Variants in AK8 observed in about 807,000 individuals in gnomAD.
AK8 encodes adenylate kinase 8.
In AK8, 44 loss-of-function variants were observed where a neutral mutation model predicts 54.6. The ratio of observed to expected loss-of-function variants is 0.81; its 90% CI spans 0.63 to 1.04. The LOEUF (loss-of-function observed/expected upper bound fraction) is 1.04, where lower values mean the gene tolerates loss of function less well. Among genes scored for constraint, AK8 ranks in the 50% least tolerant of loss-of-function variants. The pLI is 0.00. For synonymous variants in AK8, 239 were observed against 245.6 expected (o/e 0.97, Z 0.25); for missense variants, 555 against 613.6 (o/e 0.90, Z 1.01).
intron 11 of AK8, 181 bp from the exon 12 acceptor site, chr9:132,727,715 C>G: frequency 2.1e-6 from 1 of 480,176 alleles, no homozygotes; most frequent in South Asian, 2.1e-5. Flanking sequence ...CACTCCAGAG[C>G]CTGTGTCCCC....
chr9:132,801,143 G>A (rs1840436895), intron 10 of AK8, among the ~76,000 whole-genome samples: 1 of 152,076 alleles, frequency 6.6e-6, no homozygotes, highest in South Asian at 2.1e-4. Context: ...GGCTACGCTG[G>A]TCTTGAGTTC....
At chr9:132,876,143 C>G (rs1443846562) in intron 1 of AK8, among the ~76,000 whole-genome samples, 1 of 152,036 alleles carries the variant, frequency 6.6e-6, no homozygotes, top group Non-Finnish European at 1.5e-5. Flanking sequence ...CATGAGAAGT[C>G]TTGGTTCCAG....
intron 11 of AK8, among the ~76,000 whole-genome samples, chr9:132,749,226 G>A (rs1398696212): frequency 1.3e-5 from 2 of 151,990 alleles, no homozygotes; most frequent in Admixed American, 6.6e-5. Flanking sequence ...ATAATTTCAC[G>A]CAATCTTCTC....
At chr9:132,775,611 A>G (rs1490213939) in intron 11 of AK8, among the ~76,000 whole-genome samples, 1 of 152,104 alleles carries the variant, frequency 6.6e-6, no homozygotes, top group Non-Finnish European at 1.5e-5. Context: ...GCCTGGCCTC[A>G]TGTCTGTTTT....
At chr9:132,875,855 C>G (rs1387509665) in intron 1 of AK8, among the ~76,000 whole-genome samples, 1 of 152,206 alleles carries the variant, frequency 6.6e-6, no homozygotes, top group Non-Finnish European at 1.5e-5. Flanking sequence ...GGGAACATGA[C>G]CGTCACCACT....
chr9:132,754,988 G>A (rs962276800), intron 11 of AK8, among the ~76,000 whole-genome samples: 2 of 151,920 alleles, frequency 1.3e-5, no homozygotes, highest in African/African-American at 2.4e-5. Flanking sequence ...TAGTAGAGAT[G>A]GGGTTTCACC....
At position 132,823,332 on chromosome 9, in the gene AK8, C is replaced by G; in HGVS notation, c.762G>C (p.Leu254=). The G allele has an allele frequency of 6.2e-7, 1 of 1,613,840 alleles. No individual in the cohort carries two copies. Among genetic ancestry groups the G allele is most frequent in the Non-Finnish European group, 8.5e-7 (1 of 1,179,876 alleles). Residue 254 remains leucine, a synonymous_variant, in exon 9 of 13, where the codon CTG becomes CTC. Coordinates refer to ENST00000298545, the MANE Select transcript of AK8 (RefSeq NM_152572.3). ...TACGATGGTTGCTTTGGACATAGGT[C>G]AGAGCTGGAAAGAGAGGATATGAGG... ...QPCVDVFYQA[L]TYVQSNHRTN...
intron 10 of AK8, among the ~76,000 whole-genome samples, chr9:132,797,211 AG>A (rs1840215109): frequency 6.8e-6 from 1 of 146,016 alleles, no homozygotes; most frequent in South Asian, 2.4e-4. Flanking sequence ...CCATGAAAGC[AG>A]GGATCCCCCC....
intron 3 of AK8, among the ~76,000 whole-genome samples, chr9:132,864,384 T>G (rs1588231771): frequency 1.3e-5 from 2 of 152,300 alleles, no homozygotes; most frequent in East Asian, 3.9e-4. Context: ...TTCTTCCTGT[T>G]CCTTCATTCA....
At chr9:132,742,074 T>C (rs1443278729) in intron 11 of AK8, among the ~76,000 whole-genome samples, 1 of 152,196 alleles carries the variant, frequency 6.6e-6, no homozygotes, top group African/African-American at 2.4e-5. Flanking sequence ...GACTGTCGCA[T>C]GGATCAGAAC....
In AK8 at chr9:132,863,651, G is replaced by A. The variant is rs184357205; in HGVS notation, c.333+14C>T. 4,601 of 1,591,130 alleles carry A rather than the reference G, an allele frequency of 2.9e-3. 18 individuals are homozygous for A. The highest frequency in any genetic ancestry group is 2.8e-3 in the Non-Finnish European group (3,229 of 1,160,458). On this transcript the variant is annotated intron_variant, in intron 4 of 12. Transcript: ENST00000298545. ...CTGCTGTGTGCCTACCCCTGTCCCC[G>A]GGGCCAGTCCTACCTTCCTTTGCAG...
intron 5 of AK8, among the ~76,000 whole-genome samples, chr9:132,853,835 C>A (rs937703910): frequency 4.8e-5 from 7 of 144,706 alleles, no homozygotes; most frequent in African/African-American, 1.0e-4. Flanking sequence ...CTTTGGCAAG[C>A]GCATATACTA....
intron 2 of AK8, among the ~76,000 whole-genome samples, chr9:132,869,981 C>T (rs2131433639): frequency 6.6e-6 from 1 of 152,150 alleles, no homozygotes; most frequent in East Asian, 2.0e-4. Flanking sequence ...TGACCACAGG[C>T]CCTGCTGAAG....
At position 132,791,198 on chromosome 9, in the gene AK8, AAGGCACATCTTACATGGCAGC is replaced by A. The variant is rs1219578677; in HGVS notation, c.1121+1415_1121+1435del. ...TCATGGCAAAAGGTAAAGGGGAAGC[AAGGCACATCTTACATGGCAGC>A]AGGAGAGAGACAGAGAGAGAGCAAA... On this transcript the variant is annotated intron_variant, in intron 11 of 12. Coordinates refer to ENST00000298545, the MANE Select transcript of AK8 (RefSeq NM_152572.3). This position sits in a 1 kb window ranked among gnomAD's most constrained non-coding sequence, Gnocchi z 4.0. Among the ~76,000 whole-genome samples, 3 of 152,372 alleles carry A rather than the reference AAGGCACATCTTACATGGCAGC, an allele frequency of 2.0e-5. No homozygotes were observed. In the South Asian group the frequency reaches 6.2e-4, roughly 32 times the overall value.
chr9:132,728,904 C>CT lies in AK8; in HGVS notation c.1122-1371dup, dbSNP rs61041585. Among the ~76,000 whole-genome samples the CT allele has an allele frequency of 2.0e-3, 288 of 147,296 alleles. 1 individual carries two copies. Among genetic ancestry groups the CT allele is most frequent in the African/African-American group, 4.8e-3 (192 of 40,126 alleles). On this transcript the variant is annotated intron_variant, in intron 11 of 12. Transcript: ENST00000298545. ...ATGGAACACTTACTTTATATGAAAC[C>CT]TTTTTTTTTTTTCTTTTAGAGGCAG...
intron 5 of AK8, among the ~76,000 whole-genome samples, chr9:132,852,325 T>C (rs1489006567): frequency 1.3e-5 from 2 of 151,928 alleles, no homozygotes; most frequent in African/African-American, 4.8e-5. Context: ...AATACAAAAA[T>C]TGGGCCGGGC....
chr9:132,767,613 C>CA (rs1331619308), intron 11 of AK8, among the ~76,000 whole-genome samples: 2 of 152,200 alleles, frequency 1.3e-5, no homozygotes, highest in Middle Eastern at 6.8e-3. Flanking sequence ...GGATGTGTAT[C>CA]AAAAAGAAAG....
chr9:132,789,931 T>C (rs1015112052), intron 11 of AK8, among the ~76,000 whole-genome samples: 1 of 152,194 alleles, frequency 6.6e-6, no homozygotes, highest in Non-Finnish European at 1.5e-5. Flanking sequence ...CAGGATGACC[T>C]TTCTATTTTA....
At chr9:132,800,267 T>G (rs1196507978) in intron 10 of AK8, among the ~76,000 whole-genome samples, 1 of 152,188 alleles carries the variant, frequency 6.6e-6, no homozygotes, top group Non-Finnish European at 1.5e-5. Context: ...AGCGCCCCAG[T>G]GCCAGGACCT....
Sources: gnomAD v4.1 joint callset for allele counts (sites outside exome capture counted in the v4.1 genomes callset) on GRCh38, gnomAD v4.1.1 for gene constraint, Gnocchi (gnomAD v3.1) non-coding constraint, MANE v1.5 for transcripts, NCBI Gene and HGNC (gene_info 2026-07-23, HGNC 2026-07-21) for gene names.